Variants in KIF1A observed in about 807,000 individuals in gnomAD.
The protein encoded by KIF1A is kinesin family member 1A.
KIF1A carries 46 observed loss-of-function variants against 227.3 expected under a neutral mutation model. That is an observed-to-expected ratio of 0.20 (90% CI 0.16 to 0.26). The LOEUF (loss-of-function observed/expected upper bound fraction) is 0.26. Ranked by LOEUF, KIF1A falls within the 10% of genes least tolerant of loss-of-function variation. The pLI, the probability that KIF1A is intolerant of heterozygous loss-of-function variation, is 1.00. For synonymous variants in KIF1A, 1,022 were observed against 1,012.8 expected (o/e 1.01, Z -0.17); for missense variants, 1,683 against 2,485.9 (o/e 0.68, Z 6.87).
rs534700219 is a variant in KIF1A, at chr2:240,747,475, T to A, written c.2978-154A>T. ...ACCGAATCTGCCACCCGTGGCTCAG[T>A]GACAACCAGGGCATGTCCCGGCACA... On this transcript the variant is annotated intron_variant, in intron 28 of 48. Coordinates refer to ENST00000498729, the MANE Select transcript of KIF1A (RefSeq NM_001244008.2). Among the ~76,000 whole-genome samples, 156 of 152,270 alleles carry A rather than the reference T, an allele frequency of 1.0e-3. 2 individuals carry two copies. Among genetic ancestry groups the A allele is most frequent in the African/African-American group, 3.6e-3 (150 of 41,558 alleles).
At chr2:240,733,046 G>GC (rs1287045259) in intron 38 of KIF1A, among the ~76,000 whole-genome samples, 3 of 138,748 alleles carry the variant, frequency 2.2e-5, no homozygotes, top group African/African-American at 7.8e-5. Flanking sequence ...AATGAGGGGG[G>GC]GATGAGAGGG....
At position 240,820,179 on chromosome 2, in the gene KIF1A, G is replaced by C. The variant is rs1375612040; in HGVS notation, c.-118C>G. On this transcript the variant is annotated 5_prime_UTR_variant, in exon 1 of 49. Coordinates refer to ENST00000498729, the MANE Select transcript of KIF1A (RefSeq NM_001244008.2). The surrounding 1 kb of genome is among the most constrained non-coding windows in gnomAD (Gnocchi z 6.2). ...GGCACTGGCATGGGCGCGGGCTCTC[G>C]AGCCCGGAGCTGCTGCCGCTCGCCG... 1 of 149,352 alleles carries C rather than the reference G, an allele frequency of 6.7e-6. No homozygotes were observed. The highest frequency in any genetic ancestry group is 6.7e-5 in the Admixed American group (1 of 14,970). The allele number at this position is 149,352 out of a possible 1,614,324, so 9.3% of individuals were successfully genotyped here. A position where few individuals can be genotyped will look rare whatever the true frequency, so the allele number is the denominator to read the frequency against.
rs767812450 is a variant in KIF1A at position 240,726,977 on chromosome 2, G to C, written c.4008-37C>G. ...CAGAGACAAAGTAGAAGTTGATGGC[G>C]TGGGGGCTGCTTTCAGCCAGGCCGG... On this transcript the variant is annotated intron_variant, in intron 38 of 48. Coordinates refer to ENST00000498729, the MANE Select transcript of KIF1A (RefSeq NM_001244008.2). The surrounding 1 kb of genome is among the most constrained non-coding windows in gnomAD (Gnocchi z 5.2). 5.1e-5 allele frequency: 66 copies of C among 1,304,104 alleles called. No individual in the cohort carries two copies. The highest frequency in any genetic ancestry group is 7.0e-5 in the Non-Finnish European group (64 of 918,678). The allele number at this position is 1,304,104 out of a possible 1,614,324, so 80.8% of individuals were successfully genotyped here.
rs531276835 is a variant in KIF1A, at chr2:240,717,341, G to A, written c.*23C>T. 7 of 1,607,352 alleles carry A rather than the reference G, an allele frequency of 4.4e-6. No individual in the cohort carries two copies. Among genetic ancestry groups the A allele is most frequent in the African/African-American group, 1.3e-5 (1 of 74,854 alleles). On this transcript the variant is annotated 3_prime_UTR_variant, in exon 49 of 49. Coordinates refer to ENST00000498729, the MANE Select transcript of KIF1A (RefSeq NM_001244008.2). ...AGGGAGGGGATGGGCTGGGCCTGCC[G>A]GCTGTCACGGGAGGGCTCAGGTTCA...
chr2:240,787,821 G>A (rs2055140307), intron 4 of KIF1A, among the ~76,000 whole-genome samples: 2 of 152,162 alleles, frequency 1.3e-5, no homozygotes, highest in African/African-American at 2.4e-5. Flanking sequence ...GATCAAGGTG[G>A]ACCCTGTCCA....
Position 240,737,187 on chromosome 2 carries a change from G to T in KIF1A, c.3902-19C>A, listed in dbSNP as rs373989269. The T allele has an allele frequency of 2.5e-6, 4 of 1,606,262 alleles. No homozygotes were observed. Among genetic ancestry groups the T allele is most frequent in the Non-Finnish European group, 3.4e-6 (4 of 1,173,062 alleles). On this transcript the variant is annotated intron_variant, in intron 37 of 48. Coordinates refer to ENST00000498729, the MANE Select transcript of KIF1A (RefSeq NM_001244008.2). Reference sequence around the variant, plus strand: ...ATGCGGCCTGCAGAAAAGGCAACGGGCCACAGGTCACTTCCCAGGGGGCAG... The same window carrying T: ...ATGCGGCCTGCAGAAAAGGCAACGGTCCACAGGTCACTTCCCAGGGGGCAG...
chr2:240,763,462 A>G, intron 20 of KIF1A, 116 bp from the exon 21 acceptor site: 1 of 973,504 alleles, frequency 1.0e-6, no homozygotes, highest in African/African-American at 1.7e-5. Flanking sequence ...CACCATCCCC[A>G]GCTCCCAGCC....
At chr2:240,738,150 G>A (rs940532914) in intron 37 of KIF1A, among the ~76,000 whole-genome samples, 2 of 152,226 alleles carry the variant, frequency 1.3e-5, no homozygotes, top group Admixed American at 6.5e-5. Flanking sequence ...TCGGGGAGGG[G>A]AGCGCAGCTG....
At chr2:240,749,404 G>A (rs1000976612) in intron 28 of KIF1A, among the ~76,000 whole-genome samples, 30 of 152,166 alleles carry the variant, frequency 2.0e-4, no homozygotes, top group Non-Finnish European at 3.8e-4. Context: ...CGGCAGCCAG[G>A]AGCCCCCCTG....
At chr2:240,779,865 A>G (rs73011089) in intron 10 of KIF1A, among the ~76,000 whole-genome samples, 33,499 of 152,028 alleles carry the variant, frequency 0.22, 3,887 homozygotes, top group Non-Finnish European at 0.26. Flanking sequence ...TGTTTCCCAC[A>G]TGGCTCCACA....
At position 240,724,051 on chromosome 2, in the gene KIF1A, A is replaced by G; in HGVS notation, c.4257-15T>C. Reference sequence around the variant, plus strand: ...TCACACGGTTACTGTGGGGAGTAGAAGGAGTGACATGCAGTCACCAGGCCC... The same window carrying G: ...TCACACGGTTACTGTGGGGAGTAGAGGGAGTGACATGCAGTCACCAGGCCC... On this transcript the variant is annotated splice_polypyrimidine_tract_variant and intron_variant, in intron 40 of 48. Coordinates refer to ENST00000498729, the MANE Select transcript of KIF1A (RefSeq NM_001244008.2). 6.2e-7 allele frequency: 1 copy of G among 1,611,366 alleles called. No homozygotes were observed.
intron 10 of KIF1A, among the ~76,000 whole-genome samples, chr2:240,780,133 C>T (rs2053440145): frequency 6.6e-6 from 1 of 152,040 alleles, no homozygotes; most frequent in Non-Finnish European, 1.5e-5. Context: ...CACATTTCCA[C>T]AGATCCCCCG....
At chr2:240,753,911 C>T (rs923181778) in intron 27 of KIF1A, among the ~76,000 whole-genome samples, 3 of 152,192 alleles carry the variant, frequency 2.0e-5, no homozygotes, top group South Asian at 2.1e-4. Flanking sequence ...TGTGTGGACA[C>T]CAAGCTCCAC....
Position 240,775,940 on chromosome 2 carries a change from A to T in KIF1A, c.883-14T>A. 1.9e-6 allele frequency: 3 copies of T among 1,581,048 alleles called. No homozygotes were observed. The highest frequency in any genetic ancestry group is 2.6e-6 in the Non-Finnish European group (3 of 1,149,892). ...CTTTTTCTTGTTCTGTGGGGGAGGAACATTCAAGGTCAAGCCCGAGCCCAC... is the reference window on the plus strand; with the variant it reads ...CTTTTTCTTGTTCTGTGGGGGAGGATCATTCAAGGTCAAGCCCGAGCCCAC... On this transcript the variant is annotated splice_polypyrimidine_tract_variant and intron_variant, in intron 10 of 48. Coordinates refer to ENST00000498729, the MANE Select transcript of KIF1A (RefSeq NM_001244008.2). The surrounding 1 kb of genome is among the most constrained non-coding windows in gnomAD (Gnocchi z 5.5).
chr2:240,746,320 C>T, intron 29 of KIF1A, 143 bp from the exon 30 acceptor site: 1 of 970,732 alleles, frequency 1.0e-6, no homozygotes, highest in Non-Finnish European at 1.5e-6. Context: ...CAGACCTGTG[C>T]CTGCCTTGTA....
intron 25 of KIF1A, among the ~76,000 whole-genome samples, chr2:240,760,021 G>GAAAAAA (rs397967291): frequency 7.4e-6 from 1 of 135,516 alleles, no homozygotes; most frequent in African/African-American, 2.7e-5. Flanking sequence ...GTCTCTTAAA[G>GAAAAAA]AAAAAAAAAA....
chr2:240,757,408 GTCCTCCTCCTCCTCATCCTCCTCC>G lies in KIF1A; in HGVS notation c.2745_2768del (p.Glu915_Glu922del). The G allele has an allele frequency of 4.6e-6, 7 of 1,533,002 alleles. No homozygotes were observed. The highest frequency in any genetic ancestry group is 5.0e-5 in the East Asian group (2 of 40,182). 95.0% of individuals were successfully genotyped at this position (1,533,002 alleles called of 1,614,324 possible). ...GCTCCGGAAAGACGTCGTCCTCCAGGTCCTCCTCCTCCTCATCCTCCTCCTCCTCCTCCTCCTCCTCCTCCTCCC... is the reference window on the plus strand; with the variant it reads ...GCTCCGGAAAGACGTCGTCCTCCAGGTCCTCCTCCTCCTCCTCCTCCTCCC... On this transcript the variant is annotated inframe_deletion, in exon 27 of 49. Transcript: ENST00000498729. This position sits in a 1 kb window ranked among gnomAD's most constrained non-coding sequence, Gnocchi z 6.2.
At chr2:240,728,481 C>T (rs1575530311) in intron 38 of KIF1A, 10 of 1,037,028 alleles carry the variant, frequency 9.6e-6, no homozygotes, top group Admixed American at 2.3e-5. Flanking sequence ...GAACAAGCAC[C>T]GGCACAAGGC....
At chr2:240,769,762 C>T in intron 15 of KIF1A, 56 bp from the exon 16 acceptor site, 2 of 1,436,698 alleles carry the variant, frequency 1.4e-6, no homozygotes, top group Non-Finnish European at 1.9e-6. Flanking sequence ...AGGGAGAGGA[C>T]AATGGAGACA....
Sources: allele counts gnomAD v4.1 joint callset (sites outside exome capture counted in the v4.1 genomes callset), GRCh38; gene constraint gnomAD v4.1.1; non-coding constraint Gnocchi (gnomAD v3.1); transcripts MANE v1.5; gene names NCBI Gene and HGNC (gene_info 2026-07-23, HGNC 2026-07-21).